The following GALNT5 variants were observed in gnomAD, a reference collection of about 807,000 sequenced individuals.
GALNT5 encodes the protein UDP-GalNAc:polypeptide N-acetylgalactosaminyltransferase 5.
In GALNT5, 72 loss-of-function variants were observed where a neutral mutation model predicts 85.4. That is an observed-to-expected ratio of 0.84 (90% CI 0.70 to 1.03). GALNT5 has a LOEUF of 1.03. Among genes scored for constraint, GALNT5 ranks in the 50% least tolerant of loss-of-function variants. GALNT5 has a pLI of 0.00. For synonymous variants in GALNT5, 404 were observed against 397.0 expected (o/e 1.02, Z -0.21); for missense variants, 1,137 against 1,135.5 (o/e 1.00, Z -0.02).
intron 3 of GALNT5, among the ~76,000 whole-genome samples, chr2:157,293,498 C>G (rs139113688): frequency 1.3e-5 from 2 of 152,166 alleles, no homozygotes; most frequent in Non-Finnish European, 2.9e-5. Flanking sequence ...TGGATTGACA[C>G]GTACATTCAG....
Position 157,317,296 on chromosome 2 carries a change from T to G in GALNT5, c.*5948T>G, listed in dbSNP as rs1372564233. Among the ~76,000 whole-genome samples, 1 of 151,724 alleles carries G rather than the reference T, an allele frequency of 6.6e-6. No homozygotes were observed. The highest frequency in any genetic ancestry group is 2.4e-5 in the African/African-American group (1 of 41,338). On this transcript the variant is annotated 3_prime_UTR_variant, in exon 10 of 10. Transcript: ENST00000259056. ...AATGTTTTTAGATATTTTTAACTCT[T>G]TCAGGTGTATAGCTTTGTCTGCATC...
In GALNT5 at chr2:157,257,896, G is replaced by A. The variant is rs1574005823; in HGVS notation, c.-187G>A. The A allele has an allele frequency of 1.6e-6, 1 of 632,538 alleles. No homozygotes were observed. Among genetic ancestry groups the A allele is most frequent in the Non-Finnish European group, 2.8e-6 (1 of 361,416 alleles). The allele number at this position is 632,538 out of a possible 1,614,324, so 39.2% of individuals were successfully genotyped here. On this transcript the variant is annotated 5_prime_UTR_variant, in exon 1 of 10. Coordinates refer to ENST00000259056, the MANE Select transcript of GALNT5 (RefSeq NM_014568.3). ...ATGCTCTGCTATGAAATGCCACGCA[G>A]GCAGAGACTGACAAGCGGTAGGAAC...
chr2:157,275,232 C>T (rs1000102106), intron 1 of GALNT5, among the ~76,000 whole-genome samples: 7 of 152,248 alleles, frequency 4.6e-5, no homozygotes, highest in Admixed American at 3.9e-4. Flanking sequence ...GTTACTGCGG[C>T]CTTGTAGTAT....
At chr2:157,291,639 C>CCG (rs1553463152) in intron 3 of GALNT5, among the ~76,000 whole-genome samples, 1 of 139,014 alleles carries the variant, frequency 7.2e-6, no homozygotes, top group African/African-American at 2.9e-5. Flanking sequence ...ACCCACCCCC[C>CCG]CCCAGATTTT....
chr2:157,258,555 GGACA>G lies in GALNT5; in HGVS notation c.474_477del (p.Thr159GlnfsTer15), dbSNP rs1401464936. 2 of 1,613,030 alleles carry G rather than the reference GGACA, an allele frequency of 1.2e-6. No individual in the cohort carries two copies. Among genetic ancestry groups the G allele is most frequent in the South Asian group, 2.2e-5 (2 of 90,994 alleles). On this transcript the variant is annotated frameshift_variant, in exon 1 of 10. Transcript: ENST00000259056. LOFTEE classifies it high-confidence loss of function. ...AAACCTGAAGCCTCCTCTCACCAGG[GGACA>G]CCAAAGCAAACGACAGCTCAGGGGG... is the stretch of plus-strand genomic sequence containing the variant.
intron 2 of GALNT5, 131 bp downstream of exon 2, chr2:157,284,579 C>G: frequency 1.4e-6 from 1 of 691,440 alleles, no homozygotes; most frequent in Non-Finnish European, 2.5e-6. Context: ...CTTTGTTTTA[C>G]GTGGAGCCTC....
rs1471562441 is a variant in GALNT5 at position 157,315,648 on chromosome 2, T to G, written c.*4300T>G. ...GCTACCCCCACATGTTTTGCTGTGATCTATCTCTTTGACTTCATGCAGAAC... is the reference window on the plus strand; with the variant it reads ...GCTACCCCCACATGTTTTGCTGTGAGCTATCTCTTTGACTTCATGCAGAAC... On this transcript the variant is annotated 3_prime_UTR_variant, in exon 10 of 10. Transcript: ENST00000259056. 6.6e-6 allele frequency among the ~76,000 whole-genome samples: 1 copy of G among 152,174 alleles called. No individual in the cohort carries two copies. The highest frequency in any genetic ancestry group is 1.5e-5 in the Non-Finnish European group (1 of 68,028).
At chr2:157,271,979 CTGA>C (rs1216860984) in intron 1 of GALNT5, among the ~76,000 whole-genome samples, 2 of 152,024 alleles carry the variant, frequency 1.3e-5, no homozygotes, top group African/African-American at 4.8e-5. Context: ...AAGAAGGAAA[CTGA>C]AGGTGAAAAG....
chr2:157,279,157 C>A (rs549628692), intron 1 of GALNT5, among the ~76,000 whole-genome samples: 2 of 152,354 alleles, frequency 1.3e-5, no homozygotes, highest in East Asian at 3.9e-4. Context: ...GGCTGCAGAA[C>A]AGCAAATATT....
At position 157,258,092 on chromosome 2, in the gene GALNT5, A is replaced by G. The variant is rs1682227389; in HGVS notation, c.10A>G (p.Ile4Val). 6.2e-7 allele frequency: 1 copy of G among 1,613,520 alleles called. No homozygotes were observed. Among genetic ancestry groups the G allele is most frequent in the African/African-American group, 1.3e-5 (1 of 74,896 alleles). Residue 4 changes from isoleucine (I) to valine (V), a missense_variant, in exon 1 of 10, where the codon ATC becomes GTC. Ile to Val is a conservative substitution (Grantham distance 29). Coordinates refer to ENST00000259056, the MANE Select transcript of GALNT5 (RefSeq NM_014568.3). ...GGGAAAGCTTTGTACCATGAACAGG[A>G]TCCGAAAGTTTTTCCGAGGAAGTGG... MNR[I>V]RKFFRGSGRV...
At chr2:157,276,458 CTTT>C (rs1365688846) in intron 1 of GALNT5, among the ~76,000 whole-genome samples, 1 of 152,060 alleles carries the variant, frequency 6.6e-6, no homozygotes, top group Non-Finnish European at 1.5e-5. Flanking sequence ...TGGTCCTGGA[CTTT>C]TTTTGACTGG....
chr2:157,313,062 T>C lies in GALNT5; in HGVS notation c.*1714T>C, dbSNP rs746962809. ...TAACATATTTAAGATGTTTTCTTCA[T>C]ATAATTGAAAACTGCAGATGAGTAA... is the stretch of plus-strand genomic sequence containing the variant. On this transcript the variant is annotated 3_prime_UTR_variant, in exon 10 of 10. Coordinates refer to ENST00000259056, the MANE Select transcript of GALNT5 (RefSeq NM_014568.3). 6.6e-6 allele frequency: 1 copy of C among 152,188 alleles called. No homozygotes were observed. The highest frequency in any genetic ancestry group is 1.5e-5 in the Non-Finnish European group (1 of 68,014). 9.4% of individuals were successfully genotyped at this position (152,188 alleles called of 1,614,324 possible). A position where few individuals can be genotyped will look rare whatever the true frequency, so the allele number is the denominator to read the frequency against.
chr2:157,276,393 G>A (rs1682727752), intron 1 of GALNT5, among the ~76,000 whole-genome samples: 1 of 152,196 alleles, frequency 6.6e-6, no homozygotes, highest in African/African-American at 2.4e-5. Context: ...AGTTTCAGAA[G>A]GAATGGTACC....
At position 157,313,256 on chromosome 2, in the gene GALNT5, C is replaced by T. The variant is rs1683616102; in HGVS notation, c.*1908C>T. 1 of 152,130 alleles carries T rather than the reference C, an allele frequency of 6.6e-6. No homozygotes were observed. Among genetic ancestry groups the T allele is most frequent in the African/African-American group, 2.4e-5 (1 of 41,424 alleles). The allele number at this position is 152,130 out of a possible 1,614,324, so 9.4% of individuals were successfully genotyped here. ...AATACTCACCATGATGTTACAATAGCCTACAGTGTTCAATACAGTAACATG... is the reference window on the plus strand; with the variant it reads ...AATACTCACCATGATGTTACAATAGTCTACAGTGTTCAATACAGTAACATG... On this transcript the variant is annotated 3_prime_UTR_variant, in exon 10 of 10. Transcript: ENST00000259056.
rs192694213 is a variant in GALNT5, at chr2:157,279,286, C to T, written c.1455-4996C>T. ...GTTAGGCTACACAGGGGTCAGGGAC[C>T]CACTTGAGGAGGCAGTCTGTCCATT... On this transcript the variant is annotated intron_variant, in intron 1 of 9. Transcript: ENST00000259056. Among the ~76,000 whole-genome samples, 715 of 152,318 alleles carry T rather than the reference C, an allele frequency of 4.7e-3. 5 individuals carry two copies. Among genetic ancestry groups the T allele is most frequent in the African/African-American group, 0.015 (639 of 41,582 alleles).
rs1333522076 is a variant in GALNT5 at position 157,258,473 on chromosome 2, C to T, written c.391C>T (p.His131Tyr). 1.4e-5 allele frequency: 23 copies of T among 1,605,766 alleles called. No individual in the cohort carries two copies. The highest frequency in any genetic ancestry group is 1.7e-5 in the Non-Finnish European group (20 of 1,177,236). Residue 131 changes from histidine (H) to tyrosine (Y), a missense_variant, in exon 1 of 10, where the codon CAT (histidine) becomes TAT (tyrosine). Physicochemically the swap from His to Tyr is moderately conservative, Grantham distance 83 (BLOSUM62 2). Transcript: ENST00000259056. Reference sequence around the variant, plus strand: ...GGTTGTGCCGTTGTGGCATCCTGCACATCTGCAGACCCTCCCTGTGACTCC... The same window carrying T: ...GGTTGTGCCGTTGTGGCATCCTGCATATCTGCAGACCCTCCCTGTGACTCC... ...GKVVPLWHPAHLQTLPVTPNK... is the reference protein window; with the variant it reads ...GKVVPLWHPAYLQTLPVTPNK...
At chr2:157,260,582 A>G (rs914380367) in intron 1 of GALNT5, among the ~76,000 whole-genome samples, 1 of 152,224 alleles carries the variant, frequency 6.6e-6, no homozygotes, top group Non-Finnish European at 1.5e-5. Context: ...TTTGCCAGGA[A>G]GTTGGATTGG....
In GALNT5 at chr2:157,315,480, T is replaced by C. The variant is rs76591149; in HGVS notation, c.*4132T>C. On this transcript the variant is annotated 3_prime_UTR_variant, in exon 10 of 10. Coordinates refer to ENST00000259056, the MANE Select transcript of GALNT5 (RefSeq NM_014568.3). ...CAGGTGGGTGCATTTAAAAGTTTCT[T>C]GGTCTCAGATTACTGATGCCACAGT... Among the ~76,000 whole-genome samples, 1,266 of 152,330 alleles carry C rather than the reference T, an allele frequency of 8.3e-3. 15 individuals are homozygous for C. The highest frequency in any genetic ancestry group is 0.029 in the African/African-American group (1,199 of 41,574).
rs776714283 is a variant in GALNT5 at position 157,258,171 on chromosome 2, T to C, written c.89T>C (p.Met30Thr). Residue 30 changes from methionine (M) to threonine (T), a missense_variant, in exon 1 of 10, where the codon ATG becomes ACG. Met to Thr is a moderately conservative substitution (Grantham distance 81). Coordinates refer to ENST00000259056, the MANE Select transcript of GALNT5 (RefSeq NM_014568.3). Reference protein sequence around the residue: ...VASVIWLLFDMAALRLSFSEI... With the variant: ...VASVIWLLFDTAALRLSFSEI... ...TCTGTCATCTGGCTCCTCTTTGACA[T>C]GGCAGCTCTCCGCCTCTCATTCAGT... 6.2e-7 allele frequency: 1 copy of C among 1,614,048 alleles called. No homozygotes were observed. Among genetic ancestry groups the C allele is most frequent in the Non-Finnish European group, 8.5e-7 (1 of 1,179,968 alleles).
Sources: gnomAD v4.1 joint callset for allele counts (sites outside exome capture counted in the v4.1 genomes callset) on GRCh38, gnomAD v4.1.1 for gene constraint, MANE v1.5 for transcripts, NCBI Gene and HGNC (gene_info 2026-07-23, HGNC 2026-07-21) for gene names.